Variants in RAPGEF1 observed in about 807,000 individuals in gnomAD.
RAPGEF1 encodes the protein CRK SH3-binding GNRP.
Under a neutral mutation model 143.3 loss-of-function variants are expected in RAPGEF1, and 33 were observed. That is an observed-to-expected ratio of 0.23 (90% confidence interval 0.17 to 0.31). The LOEUF (loss-of-function observed/expected upper bound fraction) is 0.31, where lower values mean the gene tolerates loss of function less well. Ranked by LOEUF, RAPGEF1 falls within the 10% of genes least tolerant of loss-of-function variation. RAPGEF1 has a pLI of 1.00. For synonymous variants in RAPGEF1, 629 were observed against 676.5 expected, an observed-to-expected ratio of 0.93 and a Z score of 1.09; for missense variants, 1,199 against 1,645.4, an observed-to-expected ratio of 0.73 and a Z score of 4.69.
intron 17 of RAPGEF1, among the ~76,000 whole-genome samples, chr9:131,594,167 C>T (rs1248151891): frequency 6.6e-6 from 1 of 152,188 alleles, no homozygotes; most frequent in Non-Finnish European, 1.5e-5. Context: ...GATGGGACAG[C>T]GCCTGGCTTC....
chr9:131,654,219 AG>A (rs1310623735), intron 1 of RAPGEF1, among the ~76,000 whole-genome samples: 3 of 152,276 alleles, frequency 2.0e-5, no homozygotes, highest in Admixed American at 1.3e-4. Context: ...ATGGTTGTAT[AG>A]CCCAGTGAAT....
chr9:131,721,803 T>C (rs538030888), intron 1 of RAPGEF1, among the ~76,000 whole-genome samples: 7 of 152,320 alleles, frequency 4.6e-5, no homozygotes, highest in East Asian at 1.9e-4. Context: ...CCTATTTATA[T>C]AGCATTTCCA....
At chr9:131,727,481 C>T (rs967510984) in intron 1 of RAPGEF1, among the ~76,000 whole-genome samples, 2 of 152,164 alleles carry the variant, frequency 1.3e-5, no homozygotes, top group Admixed American at 6.5e-5. Flanking sequence ...AGGAAGGAAT[C>T]CTGGCTTGCC....
At chr9:131,697,734 G>C (rs1007144959) in intron 1 of RAPGEF1, among the ~76,000 whole-genome samples, 1 of 152,342 alleles carries the variant, frequency 6.6e-6, no homozygotes, top group African/African-American at 2.4e-5. Context: ...GCCAGTGTCA[G>C]AGACAAAGTT....
chr9:131,691,306 G>T (rs1322610376), intron 1 of RAPGEF1, among the ~76,000 whole-genome samples: 1 of 152,020 alleles, frequency 6.6e-6, no homozygotes, highest in African/African-American at 2.4e-5. Flanking sequence ...TCACTTTGAG[G>T]TTTCTCAGTT....
Position 131,629,350 on chromosome 9 carries a change from A to G in RAPGEF1, c.741-96T>C, listed in dbSNP as rs570613741. On this transcript the variant is annotated intron_variant, in intron 6 of 26. Transcript: ENST00000683357. ...GGGTGAGGACGTGACCAGGAAGAAC[A>G]CAGTGGGTGAGGTGGGGCTGAAGAG... 2.3e-6 allele frequency: 3 copies of G among 1,278,252 alleles called. No homozygotes were observed. In the South Asian group the frequency reaches 4.1e-5, roughly 18 times the overall value. The allele number at this position is 1,278,252 out of a possible 1,614,324, so 79.2% of individuals were successfully genotyped here. A position where few individuals can be genotyped will look rare whatever the true frequency, so the allele number is the denominator to read the frequency against.
chr9:131,591,884 C>T (rs1272768977), intron 18 of RAPGEF1, among the ~76,000 whole-genome samples: 1 of 152,248 alleles, frequency 6.6e-6, no homozygotes, highest in Non-Finnish European at 1.5e-5. Context: ...TCACTCGGCC[C>T]TTTTAGAGAT....
chr9:131,715,733 G>A (rs138052330), intron 1 of RAPGEF1, among the ~76,000 whole-genome samples: 27 of 151,932 alleles, frequency 1.8e-4, no homozygotes, highest in Admixed American at 9.8e-4. Context: ...GCATGGTGGT[G>A]AGCACCTGTA....
chr9:131,707,664 C>T (rs1835175264), intron 1 of RAPGEF1, among the ~76,000 whole-genome samples: 1 of 152,160 alleles, frequency 6.6e-6, no homozygotes, highest in Admixed American at 6.5e-5. Flanking sequence ...TGGTCTTGAA[C>T]TCCTGGCCTC....
Position 131,605,079 on chromosome 9 carries a change from G to T in RAPGEF1, c.2171C>A (p.Ala724Asp), listed in dbSNP as rs375027870. ...TSSSSPHFPP[A>D]HQSQSSDLAV... The stretch of plus-strand genomic sequence containing the variant: ...TAAGTCAGAGCTCTGAGACTGGTGG[G>T]CAGGTGGGAAATGTGGAGAGGAAGA... Residue 724 changes from alanine to aspartate, a missense_variant, in exon 13 of 27, where the codon GCC becomes GAC. Coordinates refer to ENST00000683357, the MANE Select transcript of RAPGEF1 (RefSeq NM_001377935.1). 169 of 1,365,520 alleles carry T rather than the reference G, an allele frequency of 1.2e-4. No individual in the cohort carries two copies. Among genetic ancestry groups the T allele is most frequent in the Non-Finnish European group, 1.6e-4 (165 of 1,021,512 alleles). 84.6% of individuals were successfully genotyped at this position (1,365,520 alleles called of 1,614,324 possible).
intron 1 of RAPGEF1, among the ~76,000 whole-genome samples, chr9:131,717,443 CA>C (rs1453687331): frequency 6.6e-6 from 1 of 152,160 alleles, no homozygotes; most frequent in East Asian, 1.9e-4. Context: ...TAGCAGCCGA[CA>C]GGGAGCTTAC....
At chr9:131,646,180 T>C (rs769969689) in intron 3 of RAPGEF1, among the ~76,000 whole-genome samples, 10 of 152,116 alleles carry the variant, frequency 6.6e-5, no homozygotes, top group Non-Finnish European at 7.4e-5. Context: ...CCCTGTGAAG[T>C]GGATACTATT....
chr9:131,722,708 A>T (rs1422363093), intron 1 of RAPGEF1, among the ~76,000 whole-genome samples: 1 of 152,174 alleles, frequency 6.6e-6, no homozygotes, highest in African/African-American at 2.4e-5. Flanking sequence ...CCCTGGATTA[A>T]AAGCTTCATG....
chr9:131,620,844 C>A (rs1320658223), intron 11 of RAPGEF1, among the ~76,000 whole-genome samples: 2 of 152,226 alleles, frequency 1.3e-5, no homozygotes, highest in South Asian at 2.1e-4. Context: ...CCAGAAGAAT[C>A]AGATGGCCCC....
intron 1 of RAPGEF1, among the ~76,000 whole-genome samples, chr9:131,717,665 G>A (rs1353901128): frequency 6.6e-6 from 1 of 151,668 alleles, no homozygotes; most frequent in Admixed American, 6.6e-5. Flanking sequence ...CCCAGCTACC[G>A]GGGAGGCTGA....
chr9:131,633,510 G>A (rs969350837), intron 5 of RAPGEF1, among the ~76,000 whole-genome samples: 3 of 152,190 alleles, frequency 2.0e-5, no homozygotes, highest in Non-Finnish European at 4.4e-5. Flanking sequence ...AACATTCCTG[G>A]TTCTTCATTG....
At chr9:131,581,470 C>A (rs867682923) in intron 25 of RAPGEF1, among the ~76,000 whole-genome samples, 1 of 151,874 alleles carries the variant, frequency 6.6e-6, no homozygotes, top group East Asian at 1.9e-4. Context: ...AGGTGGATCA[C>A]CTGAGGTCAA....
chr9:131,597,941 G>C (rs367604973), intron 16 of RAPGEF1, among the ~76,000 whole-genome samples: 1 of 152,278 alleles, frequency 6.6e-6, no homozygotes, highest in East Asian at 1.9e-4. Flanking sequence ...CAGGAGTTCT[G>C]GCATCTTTAG....
intron 1 of RAPGEF1, among the ~76,000 whole-genome samples, chr9:131,704,937 G>A (rs1834936543): frequency 6.6e-6 from 1 of 152,138 alleles, no homozygotes; most frequent in Admixed American, 6.5e-5. Context: ...TTCTTTAGGA[G>A]GGGCTTTTGT....
Sources: gnomAD v4.1 joint callset for allele counts (sites outside exome capture counted in the v4.1 genomes callset) on GRCh38, gnomAD v4.1.1 for gene constraint, MANE v1.5 for transcripts, NCBI Gene and HGNC (gene_info 2026-07-23, HGNC 2026-07-21) for gene names.